Variants in PIF1 observed in about 807,000 individuals in gnomAD.
PIF1 encodes the protein PIF1 5'-to-3' DNA helicase, also known as ATP-dependent DNA helicase PIF1.
In PIF1, 67 loss-of-function variants were observed where a neutral mutation model predicts 62.3. The ratio of observed to expected loss-of-function variants is 1.08; its 90% CI spans 0.88 to 1.32. The LOEUF is 1.32. Among genes scored for constraint, PIF1 ranks in the 40% most tolerant of loss-of-function variants. The pLI is 0.00. For synonymous variants in PIF1, 364 were observed against 379.5 expected, an observed-to-expected ratio of 0.96 and a Z score of 0.47; for missense variants, 886 against 866.1, an observed-to-expected ratio of 1.02 and a Z score of -0.29.
intron 7 of PIF1, 118 bp downstream of exon 7, chr15:64,820,864 G>A: frequency 1.2e-6 from 1 of 858,050 alleles, no homozygotes; most frequent in South Asian, 1.6e-5. Flanking sequence ...TTCCTGCATG[G>A]AGTGCTTGCT....
rs200474239 is a variant in PIF1, at chr15:64,818,098, A to G, written c.1529-7T>C. ...AACCGCACCTGGGGTAGCCCTAAGG[A>G]GAGCATGGAGCAGTCCAACTTTAGC... On this transcript the variant is annotated splice_region_variant and splice_polypyrimidine_tract_variant and intron_variant, in intron 10 of 12. Transcript: ENST00000559239. 22 of 1,613,538 alleles carry G rather than the reference A, an allele frequency of 1.4e-5. No individual in the cohort carries two copies. Among genetic ancestry groups the G allele is most frequent in the Non-Finnish European group, 1.8e-5 (21 of 1,179,868 alleles).
In PIF1 at chr15:64,823,826, C is replaced by A; in HGVS notation, c.510G>T (p.Thr170=). 1 of 1,365,410 alleles carries A rather than the reference C, an allele frequency of 7.3e-7. No individual in the cohort carries two copies. Among genetic ancestry groups the A allele is most frequent in the Non-Finnish European group, 9.5e-7 (1 of 1,048,958 alleles). 84.6% of individuals were successfully genotyped at this position (1,365,410 alleles called of 1,614,324 possible). The change falls in exon 2 of 13, where the codon ACG becomes ACT. Residue 170 remains threonine (T), a synonymous_variant. Transcript: ENST00000559239. The stretch of plus-strand genomic sequence containing the variant: ...GGGGCTCCACAGGCCGCTTCACCAG[C>A]GTAGTGTCCGGAACCCGGGTGGCCG... ...LRAATRVPDT[T]LVKRPVEPQA... is the part of the protein sequence containing the mutation.
chr15:64,816,221 TG>T lies in PIF1; in HGVS notation c.*76del. On this transcript the variant is annotated 3_prime_UTR_variant, in exon 13 of 13. Transcript: ENST00000559239. ...CTGCCTGCCTACTCCAGTTATTCCCTGGGGCCCTGGGCCACTAGGGAGCAGG... is the reference window on the plus strand; with the variant it reads ...CTGCCTGCCTACTCCAGTTATTCCCTGGGCCCTGGGCCACTAGGGAGCAGG... 6.2e-7 allele frequency: 1 copy of T among 1,601,970 alleles called. No homozygotes were observed.
At chr15:64,826,916 C>CA (rs1374531794), upstream of PIF1, among the ~76,000 whole-genome samples, 3 of 151,418 alleles carry the variant, frequency 2.0e-5, no homozygotes, top group Admixed American at 2.0e-4. Context: ...GCAAGGCTTC[C>CA]AGAGATTTTA....
At position 64,824,395 on chromosome 15, in the gene PIF1, A is replaced by AGACGTAATGGGTGCTATAGGG. The variant is rs2084338567; in HGVS notation, c.-19-62_-19-42dup. Reference sequence around the variant, plus strand: ...AGCACAGGGGTCATGAGGATTCATGAGACGTAATGGGTGCTATAGGGGACG... The same window carrying AGACGTAATGGGTGCTATAGGG: ...AGCACAGGGGTCATGAGGATTCATGAGACGTAATGGGTGCTATAGGGGACGTAATGGGTGCTATAGGGGACG... On this transcript the variant is annotated intron_variant, in intron 1 of 12. Transcript: ENST00000559239. The AGACGTAATGGGTGCTATAGGG allele has an allele frequency of 1.4e-5, 17 of 1,218,192 alleles. 1 individual carries two copies. In the South Asian group the frequency reaches 2.4e-4, roughly 17 times the overall value. 75.5% of individuals were successfully genotyped at this position (1,218,192 alleles called of 1,614,324 possible).
In PIF1 at chr15:64,815,711, T is replaced by C; in HGVS notation, c.*587A>G. On this transcript the variant is annotated 3_prime_UTR_variant, in exon 13 of 13. Coordinates refer to ENST00000559239, the MANE Select transcript of PIF1 (RefSeq NM_001286496.2). ...CCATTTCAATGTCCCCAAACACTAT[T>C]TATCCCCTGAAAAAGCAGCTTAAAA... 1 of 1,550,500 alleles carries C rather than the reference T, an allele frequency of 6.4e-7. No homozygotes were observed. Among genetic ancestry groups the C allele is most frequent in the South Asian group, 1.2e-5 (1 of 84,048 alleles).
At chr15:64,826,296 T>A (rs1236767004), upstream of PIF1, among the ~76,000 whole-genome samples, 2 of 152,154 alleles carry the variant, frequency 1.3e-5, no homozygotes, top group African/African-American at 4.8e-5. Flanking sequence ...CACAGGATGC[T>A]GAAAGAATTT....
At chr15:64,817,848 C>T in intron 11 of PIF1, 98 bp downstream of exon 11, 1 of 1,378,472 alleles carries the variant, frequency 7.3e-7, no homozygotes, top group Non-Finnish European at 9.7e-7. Context: ...GGCGACAGAG[C>T]AAGACTCTGT....
In PIF1 at chr15:64,815,680, G is replaced by A. The variant is rs557571954; in HGVS notation, c.*618C>T. 1.9e-6 allele frequency: 3 copies of A among 1,543,280 alleles called. No individual in the cohort carries two copies. In the South Asian group the frequency reaches 3.6e-5, roughly 19 times the overall value. On this transcript the variant is annotated 3_prime_UTR_variant, in exon 13 of 13. Coordinates refer to ENST00000559239, the MANE Select transcript of PIF1 (RefSeq NM_001286496.2). ...TTTGTCCGAAATAAATACAACCTGA[G>A]AACATCCATTTCAATGTCCCCAAAC...
At position 64,815,834 on chromosome 15, in the gene PIF1, T is replaced by C; in HGVS notation, c.*464A>G. ...CTGGGCCTAGCTGTAGAGACACACC[T>C]AAGTTCCGTTCTCTGTTTGGAGGCT... On this transcript the variant is annotated 3_prime_UTR_variant, in exon 13 of 13. Transcript: ENST00000559239. The C allele has an allele frequency of 6.4e-7, 1 of 1,550,646 alleles. No homozygotes were observed. The highest frequency in any genetic ancestry group is 1.4e-5 in the African/African-American group (1 of 73,174).
intron 11 of PIF1, among the ~76,000 whole-genome samples, chr15:64,817,135 T>A (rs2084197382): frequency 6.6e-6 from 1 of 152,066 alleles, no homozygotes; most frequent in Admixed American, 6.6e-5. Flanking sequence ...AGTGGTTGTA[T>A]ACAATTTATA....
In PIF1 at chr15:64,824,185, G is replaced by A. The variant is rs571757921; in HGVS notation, c.151C>T (p.Arg51Cys). The stretch of plus-strand genomic sequence containing the variant: ...GCTTGCAGCCGCAGCATCAACTCGC[G>A]GCGCTCGTTGCGACCCAGGCTCAGC... ...AELSLGRNERRELMLRLQAPG... is the reference protein window; with the variant it reads ...AELSLGRNERCELMLRLQAPG... The change falls in exon 2 of 13, where the codon CGC becomes TGC. Residue 51 changes from arginine to cysteine, a missense_variant. Physicochemically the swap from Arg to Cys is radical, Grantham distance 180 (BLOSUM62 -3). Coordinates refer to ENST00000559239, the MANE Select transcript of PIF1 (RefSeq NM_001286496.2). The A allele has an allele frequency of 2.2e-6, 3 of 1,341,566 alleles. No homozygotes were observed. Among genetic ancestry groups the A allele is most frequent in the Admixed American group, 6.4e-5 (2 of 31,136 alleles). The allele number at this position is 1,341,566 out of a possible 1,614,324, so 83.1% of individuals were successfully genotyped here.
At chr15:64,824,422 A>C in intron 1 of PIF1, 68 bp from the exon 2 acceptor site, 1 of 1,089,460 alleles carries the variant, frequency 9.2e-7, no homozygotes, top group South Asian at 4.6e-5. Context: ...TAGGGGACGT[A>C]ATGGGTGCTA....
intron 1 of PIF1, 90 bp from the exon 2 acceptor site, chr15:64,824,444 A>G (rs1214993679): frequency 1.7e-5 from 15 of 907,030 alleles, no homozygotes; most frequent in Non-Finnish European, 2.0e-5. Flanking sequence ...AAAGGACGTG[A>G]CAGGGAGCAG....
At chr15:64,822,079 T>C in intron 4 of PIF1, 187 bp downstream of exon 4, 1 of 712,004 alleles carries the variant, frequency 1.4e-6, no homozygotes, top group Non-Finnish European at 2.3e-6. Context: ...TTTACTGTGT[T>C]GGCCAGGCTG....
upstream of PIF1, among the ~76,000 whole-genome samples, chr15:64,826,649 T>C (rs1438540648): frequency 3.5e-3 from 127 of 35,866 alleles, 11 homozygotes; most frequent in Non-Finnish European, 4.4e-3. Context: ...TATATATATA[T>C]ATATATATAT....
upstream of PIF1, among the ~76,000 whole-genome samples, chr15:64,826,177 C>T (rs1258044470): frequency 6.6e-6 from 1 of 151,932 alleles, no homozygotes. Flanking sequence ...GCTCTCTCAC[C>T]CACCTGAGGC....
intron 11 of PIF1, 73 bp from the exon 12 acceptor site, chr15:64,816,838 C>T (rs1378613482): frequency 7.0e-5 from 96 of 1,376,410 alleles, no homozygotes; most frequent in Non-Finnish European, 8.3e-5. Context: ...TGACCCTTTA[C>T]CAGCCCTGCT....
chr15:64,820,237 G>C (rs79019764), intron 7 of PIF1, among the ~76,000 whole-genome samples: 210 of 152,344 alleles, frequency 1.4e-3, no homozygotes, highest in African/African-American at 5.0e-3. Flanking sequence ...TGCTGCCCCA[G>C]GTCAGAGCTG....
Sources: gnomAD v4.1 joint callset for allele counts (sites outside exome capture counted in the v4.1 genomes callset) on GRCh38, gnomAD v4.1.1 for gene constraint, MANE v1.5 for transcripts, NCBI Gene and HGNC (gene_info 2026-07-23, HGNC 2026-07-21) for gene names.